Variants in AUTS2 observed in about 807,000 individuals in gnomAD.
AUTS2 encodes the protein activator of transcription and developmental regulator AUTS2.
AUTS2 carries 17 observed loss-of-function variants against 112.4 expected under a neutral mutation model. That is an observed-to-expected ratio of 0.15 (90% CI 0.10 to 0.23). The LOEUF (loss-of-function observed/expected upper bound fraction) is 0.23, where lower values mean the gene tolerates loss of function less well. Ranked by LOEUF, AUTS2 falls within the 10% of genes least tolerant of loss-of-function variation. The pLI, the probability that AUTS2 is intolerant of heterozygous loss-of-function variation, is 1.00. For missense variants in AUTS2, 1,510 were observed against 1,701.6 expected (o/e 0.89, Z 1.98); for synonymous variants, 751 against 702.7 (o/e 1.07, Z -1.09).
intron 2 of AUTS2, among the ~76,000 whole-genome samples, chr7:69,917,290 T>C (rs1268507524): frequency 5.0e-5 from 3 of 60,518 alleles, no homozygotes; most frequent in African/African-American, 8.1e-5. Flanking sequence ...TTTTTTTTTC[T>C]TTTTTTTTTT....
chr7:69,729,305 T>G (rs1251543507), intron 1 of AUTS2, among the ~76,000 whole-genome samples: 1 of 151,702 alleles, frequency 6.6e-6, no homozygotes, highest in East Asian at 1.9e-4. Flanking sequence ...TAACACATAC[T>G]CGCATGCACA....
At chr7:69,816,869 A>G (rs1790785267) in intron 1 of AUTS2, among the ~76,000 whole-genome samples, 1 of 152,140 alleles carries the variant, frequency 6.6e-6, no homozygotes, top group Admixed American at 6.5e-5. Flanking sequence ...TGCTCAAAGT[A>G]TGTCATTCAC....
intron 1 of AUTS2, among the ~76,000 whole-genome samples, chr7:69,876,526 ATATATATATATATATATAT>A (rs1793805803): frequency 2.6e-5 from 1 of 38,866 alleles, no homozygotes; most frequent in African/African-American, 1.3e-4. Flanking sequence ...ATATATATAT[ATATATATATATATATATAT>A]TTTCAGTGTT....
chr7:70,457,244 C>CA (rs1796777456), intron 5 of AUTS2, among the ~76,000 whole-genome samples: 1 of 152,148 alleles, frequency 6.6e-6, no homozygotes, highest in Admixed American at 6.5e-5. Flanking sequence ...TCAGTTTTCC[C>CA]ACCTGTAAAC....
intron 2 of AUTS2, among the ~76,000 whole-genome samples, chr7:69,926,179 G>A (rs1796001463): frequency 6.6e-6 from 1 of 152,134 alleles, no homozygotes; most frequent in Non-Finnish European, 1.5e-5. Flanking sequence ...GCCCAAGTTG[G>A]TTTATAGTGT....
chr7:69,635,749 G>A (rs931517946), intron 1 of AUTS2, among the ~76,000 whole-genome samples: 6 of 152,232 alleles, frequency 3.9e-5, no homozygotes, highest in Non-Finnish European at 8.8e-5. Flanking sequence ...AATCTGTCAT[G>A]AATCAGCAAT....
At chr7:70,504,222 A>G (rs1365505545) in intron 5 of AUTS2, among the ~76,000 whole-genome samples, 3 of 151,676 alleles carry the variant, frequency 2.0e-5, no homozygotes, top group Non-Finnish European at 4.4e-5. Flanking sequence ...TCCTTCCTCC[A>G]GCTCCTAATA....
intron 6 of AUTS2, among the ~76,000 whole-genome samples, chr7:70,739,359 T>C (rs1787968156): frequency 6.7e-6 from 1 of 150,158 alleles, no homozygotes; most frequent in African/African-American, 2.4e-5. Flanking sequence ...TTTTTTTTTT[T>C]TGTAGAGATG....
At chr7:70,437,799 C>G (rs1795957052) in intron 5 of AUTS2, 1 of 148,250 alleles carries the variant, frequency 6.7e-6, no homozygotes, top group Admixed American at 6.7e-5. Context: ...GAGATCGCAC[C>G]ACTGTACTCC....
chr7:69,916,483 A>G (rs975651602), intron 2 of AUTS2, among the ~76,000 whole-genome samples: 5 of 152,296 alleles, frequency 3.3e-5, no homozygotes, highest in African/African-American at 1.2e-4. Context: ...CTCAACTTCT[A>G]GATTCATAAA....
At position 70,787,271 on chromosome 7, in the gene AUTS2, G is replaced by A. The variant is rs1479195481; in HGVS notation, c.2371G>A (p.Glu791Lys). 6 of 1,614,028 alleles carry A rather than the reference G, an allele frequency of 3.7e-6. No individual in the cohort carries two copies. Among genetic ancestry groups the A allele is most frequent in the African/African-American group, 1.3e-5 (1 of 74,918 alleles). Residue 791 changes from glutamate to lysine, a missense_variant, in exon 18 of 19, where the codon GAA becomes AAA. Glu to Lys is a moderately conservative substitution (Grantham distance 56, BLOSUM62 1). This residue lies in a region of AUTS2 where 788 missense variants were observed against 797.6 expected (regional missense o/e 0.99). Transcript: ENST00000342771. Reference sequence around the variant, plus strand: ...TGTGCAGAACTTTAGCAACCCTCACGAACCCTGGAACCGGCTGCACCGAAC... The same window carrying A: ...TGTGCAGAACTTTAGCAACCCTCACAAACCCTGGAACCGGCTGCACCGAAC... ...PSVQNFSNPH[E>K]PWNRLHRTPP...
intron 4 of AUTS2, among the ~76,000 whole-genome samples, chr7:70,313,630 A>G (rs1469344658): frequency 2.6e-5 from 4 of 152,236 alleles, no homozygotes; most frequent in Admixed American, 1.3e-4. Flanking sequence ...AACTCACAGT[A>G]GTTCAGCTGT....
chr7:70,766,447 G>A lies in AUTS2; in HGVS notation c.1689+113G>A, dbSNP rs1282155295. ...CACCAGAGATCGAATGGGGACTGAC[G>A]GCTGTTGGCTGGAGAGAAGGGAATG... On this transcript the variant is annotated intron_variant, in intron 9 of 18. Coordinates refer to ENST00000342771, the MANE Select transcript of AUTS2 (RefSeq NM_015570.4). This position sits in a 1 kb window ranked among gnomAD's most constrained non-coding sequence, Gnocchi z 4.8. 2.6e-5 allele frequency: 35 copies of A among 1,337,742 alleles called. No individual in the cohort carries two copies. The highest frequency in any genetic ancestry group is 4.1e-4 in the Middle Eastern group (2 of 4,872). 82.9% of individuals were successfully genotyped at this position (1,337,742 alleles called of 1,614,324 possible).
chr7:70,221,313 G>C (rs569365083), intron 4 of AUTS2, among the ~76,000 whole-genome samples: 8 of 152,142 alleles, frequency 5.3e-5, no homozygotes, highest in African/African-American at 1.9e-4. Flanking sequence ...AAATATTTAA[G>C]CATGCATATC....
In AUTS2 at chr7:69,874,100, GAGACTT is replaced by G. The variant is rs908255723; in HGVS notation, c.310-25182_310-25177del. Among the ~76,000 whole-genome samples, 5 of 152,186 alleles carry G rather than the reference GAGACTT, an allele frequency of 3.3e-5. No individual in the cohort carries two copies. In the East Asian group the frequency reaches 9.6e-4, roughly 29 times the overall value. On this transcript the variant is annotated intron_variant, in intron 1 of 18. Coordinates refer to ENST00000342771, the MANE Select transcript of AUTS2 (RefSeq NM_015570.4). ...TGGCAGAGGAAGTTGCAGTTTTAAAGAGACTTAGAGGCTGGACACAGTGGGCTCATG... is the reference window on the plus strand; with the variant it reads ...TGGCAGAGGAAGTTGCAGTTTTAAAGAGAGGCTGGACACAGTGGGCTCATG...
chr7:70,234,999 AG>A (rs1812244879), intron 4 of AUTS2, among the ~76,000 whole-genome samples: 1 of 152,216 alleles, frequency 6.6e-6, no homozygotes, highest in African/African-American at 2.4e-5. Flanking sequence ...TTCACATAAA[AG>A]ATTCACTAGC....
intron 2 of AUTS2, among the ~76,000 whole-genome samples, chr7:69,972,409 A>G (rs1797884478): frequency 6.6e-6 from 1 of 152,136 alleles, no homozygotes; most frequent in African/African-American, 2.4e-5. Flanking sequence ...TAGCTTGTCT[A>G]TTCATCCTCT....
chr7:70,411,741 C>T (rs1794784612), intron 4 of AUTS2, among the ~76,000 whole-genome samples: 1 of 152,082 alleles, frequency 6.6e-6, no homozygotes. Context: ...TGGGAACCTA[C>T]TATGTGCTCA....
intron 5 of AUTS2, among the ~76,000 whole-genome samples, chr7:70,637,591 A>C (rs536921851): frequency 6.6e-6 from 1 of 152,332 alleles, no homozygotes; most frequent in African/African-American, 2.4e-5. Flanking sequence ...ATATAATGTT[A>C]CCCACAATTT....
Sources: gnomAD v4.1 joint callset for allele counts (sites outside exome capture counted in the v4.1 genomes callset) on GRCh38, gnomAD v4.1.1 for gene constraint, gnomAD v4.1.1 regional missense constraint, Gnocchi (gnomAD v3.1) non-coding constraint, MANE v1.5 for transcripts, NCBI Gene and HGNC (gene_info 2026-07-23, HGNC 2026-07-21) for gene names.